SNX6: variants seen among roughly 807,000 people sequenced by gnomAD.
SNX6 encodes the protein sorting nexin 6.
Under a neutral mutation model 63.0 loss-of-function variants are expected in SNX6, and 34 were observed. The ratio of observed to expected loss-of-function variants is 0.54; its 90% CI spans 0.41 to 0.72. The LOEUF (loss-of-function observed/expected upper bound fraction) is 0.72, where lower values mean the gene tolerates loss of function less well. SNX6 is among the 30% of genes least tolerant of loss of function. SNX6 has a pLI of 0.00. For synonymous variants in SNX6, 170 were observed against 164.2 expected, an observed-to-expected ratio of 1.04 and a Z score of -0.27; for missense variants, 398 against 471.4, an observed-to-expected ratio of 0.84 and a Z score of 1.44.
chr14:34,607,873 A>C (rs979350649), intron 4 of SNX6, among the ~76,000 whole-genome samples, 157 bp downstream of exon 4: 7 of 152,120 alleles, frequency 4.6e-5, no homozygotes, highest in Admixed American at 2.0e-4. Context: ...GCGTCACTAC[A>C]CTCCAGCCTG....
chr14:34,591,648 C>T (rs1882398169), intron 8 of SNX6, among the ~76,000 whole-genome samples: 1 of 152,074 alleles, frequency 6.6e-6, no homozygotes, highest in Non-Finnish European at 1.5e-5. Context: ...ACTACCAGTC[C>T]AGTATCTATT....
At chr14:34,577,049 C>CA in intron 10 of SNX6, among the ~76,000 whole-genome samples, 1 of 151,138 alleles carries the variant, frequency 6.6e-6, no homozygotes, top group Non-Finnish European at 1.5e-5. Context: ...GAGACTGTCT[C>CA]AAAAAACAAA....
intron 7 of SNX6, 55 bp from the exon 8 acceptor site, chr14:34,593,205 A>T: frequency 9.5e-7 from 1 of 1,051,364 alleles, no homozygotes; most frequent in Middle Eastern, 2.5e-4. Flanking sequence ...TTAGTTTTAT[A>T]TGTAAATAAC....
intron 6 of SNX6, among the ~76,000 whole-genome samples, chr14:34,602,699 G>A (rs1431282562): frequency 2.0e-5 from 3 of 151,974 alleles, no homozygotes; most frequent in East Asian, 1.9e-4. Flanking sequence ...ACTTGGGGCC[G>A]GGCACGGTGG....
At position 34,595,160 on chromosome 14, in the gene SNX6, CCT is replaced by C. The variant is rs199988616; in HGVS notation, c.613-2012_613-2011del. Reference sequence around the variant, plus strand: ...CATAATTCATAATATGTAACAGTTCCCTCTCTCTCTTTCGCCCAAGCTGGAGT... The same window carrying C: ...CATAATTCATAATATGTAACAGTTCCCTCTCTCTTTCGCCCAAGCTGGAGT... On this transcript the variant is annotated intron_variant, in intron 7 of 13. Transcript: ENST00000362031. 4.0e-5 allele frequency among the ~76,000 whole-genome samples: 6 copies of C among 151,622 alleles called. No individual in the cohort carries two copies. In the East Asian group the frequency reaches 1.2e-3, roughly 29 times the overall value.
chr14:34,619,397 C>T (rs897119734), intron 2 of SNX6, among the ~76,000 whole-genome samples: 7 of 151,288 alleles, frequency 4.6e-5, no homozygotes, highest in Admixed American at 6.6e-5. Flanking sequence ...ACTCCAGCCT[C>T]GGTAACAGAA....
intron 13 of SNX6, among the ~76,000 whole-genome samples, chr14:34,563,563 A>C (rs1289453569): frequency 6.8e-6 from 1 of 147,600 alleles, no homozygotes; most frequent in Non-Finnish European, 1.5e-5. Flanking sequence ...CGTCTCAAAA[A>C]AAAAAAAATA....
At chr14:34,603,294 A>AG (rs1555327281) in intron 6 of SNX6, 54 bp downstream of exon 6, 90 of 1,535,818 alleles carry the variant, frequency 5.9e-5, no homozygotes, top group Non-Finnish European at 7.4e-5. Flanking sequence ...TCAAAAAAAA[A>AG]AAGAAGAAGA....
Position 34,604,229 on chromosome 14 carries a change from T to G in SNX6, c.393-758A>C, listed in dbSNP as rs1042415112. On this transcript the variant is annotated intron_variant, in intron 5 of 13. Transcript: ENST00000362031. ...AAAAGAAGGATGCAGAGGATGGAGG[T>G]AGCAGTAGAATAAACCCAAGGTTCT... 23 of 1,287,566 alleles carry G rather than the reference T, an allele frequency of 1.8e-5. No individual in the cohort carries two copies. The East Asian group carries it at 1.2e-3, about 69-fold the overall frequency. 79.8% of individuals were successfully genotyped at this position (1,287,566 alleles called of 1,614,324 possible). A position where few individuals can be genotyped will look rare whatever the true frequency, so the allele number is the denominator to read the frequency against.
Position 34,603,453 on chromosome 14 carries a change from G to C in SNX6, c.411C>G (p.Phe137Leu). The C allele has an allele frequency of 6.3e-7, 1 of 1,596,948 alleles. No individual in the cohort carries two copies. Among genetic ancestry groups the C allele is most frequent in the Non-Finnish European group, 8.5e-7 (1 of 1,172,368 alleles). The change falls in exon 6 of 14, where the codon TTC becomes TTG. Residue 137 changes from phenylalanine to leucine, a missense_variant. Phe to Leu is a conservative substitution (Grantham distance 22). Coordinates refer to ENST00000362031, the MANE Select transcript of SNX6 (RefSeq NM_152233.4). Reference sequence around the variant, plus strand: ...CTTCATGCATCGCAACTGTCTTCTTGAATATTGCCAAATATTCACTAGAAA... The same window carrying C: ...CTTCATGCATCGCAACTGTCTTCTTCAATATTGCCAAATATTCACTAGAAA... Reference protein sequence around the residue: ...QELEAEYLAIFKKTVAMHEVF... With the variant: ...QELEAEYLAILKKTVAMHEVF...
In SNX6 at chr14:34,605,720, G is replaced by C; in HGVS notation, c.271-3C>G. On this transcript the variant is annotated splice_polypyrimidine_tract_variant and splice_region_variant and intron_variant, in intron 4 of 13. Transcript: ENST00000362031. ...GGTCTTGGTGGTGCTGGTGGAATCT[G>C]TAACAGGACCAAATGACTAATTTTA... is the stretch of plus-strand genomic sequence containing the variant. 1 of 1,589,952 alleles carries C rather than the reference G, an allele frequency of 6.3e-7. No individual in the cohort carries two copies. The highest frequency in any genetic ancestry group is 8.5e-7 in the Non-Finnish European group (1 of 1,173,618).
At chr14:34,623,909 T>A (rs1883723582) in intron 2 of SNX6, among the ~76,000 whole-genome samples, 1 of 152,198 alleles carries the variant, frequency 6.6e-6, no homozygotes, top group Non-Finnish European at 1.5e-5. Context: ...TGTTCTTATT[T>A]AACAAGCACA....
intron 7 of SNX6, among the ~76,000 whole-genome samples, chr14:34,594,676 A>G (rs1378775694): frequency 6.6e-6 from 1 of 152,120 alleles, no homozygotes; most frequent in Non-Finnish European, 1.5e-5. Context: ...AATAAAATTA[A>G]TAGTATTTTA....
At chr14:34,567,255 G>A (rs928856081) in intron 13 of SNX6, among the ~76,000 whole-genome samples, 8 of 151,990 alleles carry the variant, frequency 5.3e-5, no homozygotes, top group African/African-American at 1.9e-4. Context: ...GGGAGGCTGA[G>A]GCAGGAGGAT....
chr14:34,623,083 C>A (rs1231950916), intron 2 of SNX6, among the ~76,000 whole-genome samples: 2 of 152,182 alleles, frequency 1.3e-5, no homozygotes, highest in Non-Finnish European at 2.9e-5. Flanking sequence ...CTGTGATGGT[C>A]TCAGGGCAGG....
At chr14:34,607,629 C>T (rs906093004) in intron 4 of SNX6, among the ~76,000 whole-genome samples, 4 of 150,744 alleles carry the variant, frequency 2.7e-5, no homozygotes, top group South Asian at 2.1e-4. Flanking sequence ...ATAACAGGGC[C>T]GGGCACGGTG....
rs1283364466 is a variant in SNX6, at chr14:34,603,272, C to T, written c.516+76G>A. 1.9e-5 allele frequency: 27 copies of T among 1,405,582 alleles called. No individual in the cohort carries two copies. The Middle Eastern group carries it at 7.8e-4, about 40-fold the overall frequency. 87.1% of individuals were successfully genotyped at this position (1,405,582 alleles called of 1,614,324 possible). Reference sequence around the variant, plus strand: ...CTGTACTCCAGCCTGGAAGACAGAGCGAGATTCCGTCTCAAAAAAAAAAAG... The same window carrying T: ...CTGTACTCCAGCCTGGAAGACAGAGTGAGATTCCGTCTCAAAAAAAAAAAG... On this transcript the variant is annotated intron_variant, in intron 6 of 13. Transcript: ENST00000362031.
At chr14:34,613,452 C>A (rs181649523) in intron 2 of SNX6, among the ~76,000 whole-genome samples, 1 of 152,164 alleles carries the variant, frequency 6.6e-6, no homozygotes, top group Non-Finnish European at 1.5e-5. Flanking sequence ...CTTAGTCTAG[C>A]ATTTCCAAAA....
rs1252079834 is a variant in SNX6, at chr14:34,606,813, C to G, written c.271-1096G>C. Among the ~76,000 whole-genome samples the G allele has an allele frequency of 3.9e-5, 6 of 151,968 alleles. No individual in the cohort carries two copies. The East Asian group carries it at 1.2e-3, about 29-fold the overall frequency. On this transcript the variant is annotated intron_variant, in intron 4 of 13. Coordinates refer to ENST00000362031, the MANE Select transcript of SNX6 (RefSeq NM_152233.4). ...TTCTTTTTTGAGATGGAGGCTCGCT[C>G]TGTCACACAGGCTGGAGTGCAGTGG... is the stretch of plus-strand genomic sequence containing the variant.
Sources: gnomAD v4.1 joint callset for allele counts (sites outside exome capture counted in the v4.1 genomes callset) on GRCh38, gnomAD v4.1.1 for gene constraint, MANE v1.5 for transcripts, NCBI Gene and HGNC (gene_info 2026-07-23, HGNC 2026-07-21) for gene names.